TTC7B: variants seen among roughly 807,000 people sequenced by gnomAD.
TTC7B encodes tetratricopeptide repeat protein 7B.
Under a neutral mutation model 106.8 loss-of-function variants are expected in TTC7B, and 28 were observed. The ratio of observed to expected loss-of-function variants is 0.26; its 90% confidence interval spans 0.19 to 0.36. The LOEUF is 0.36. Ranked by LOEUF, TTC7B falls within the 10% of genes least tolerant of loss-of-function variation. The pLI is 1.00. For synonymous variants in TTC7B, 405 were observed against 430.6 expected, an observed-to-expected ratio of 0.94 and a Z score of 0.74; for missense variants, 862 against 1,076.4, an observed-to-expected ratio of 0.80 and a Z score of 2.79.
chr14:90,593,347 C>G (rs1353950812), intron 18 of TTC7B, 139 bp downstream of exon 18: 1 of 1,264,158 alleles, frequency 7.9e-7, no homozygotes, highest in African/African-American at 1.5e-5. Flanking sequence ...TGGTGCATGG[C>G]CGTGAAGCTT....
chr14:90,767,033 AAAAAAAAAAAAAG>A (rs1890708991), intron 3 of TTC7B: 1 of 805,854 alleles, frequency 1.2e-6, no homozygotes, highest in South Asian at 1.8e-5. Context: ...TATACCAAAA[AAAAAAAAAAAAAG>A]AAAGAAAGGA....
In TTC7B at chr14:90,606,334, G is replaced by T. The variant is rs532713125; in HGVS notation, c.1966+4408C>A. Reference sequence around the variant, plus strand: ...GGTATGGCTGCCTTCATGTCTTACAGCTGGAGAAACACATGGCAACGGGGA... The same window carrying T: ...GGTATGGCTGCCTTCATGTCTTACATCTGGAGAAACACATGGCAACGGGGA... On this transcript the variant is annotated intron_variant, in intron 17 of 19. Transcript: ENST00000328459. Among the ~76,000 whole-genome samples the T allele has an allele frequency of 2.0e-5, 3 of 152,244 alleles. No homozygotes were observed. In the South Asian group the frequency reaches 6.2e-4, roughly 32 times the overall value.
chr14:90,690,226 G>A (rs576630378), intron 6 of TTC7B, among the ~76,000 whole-genome samples: 8 of 152,232 alleles, frequency 5.3e-5, no homozygotes, highest in Non-Finnish European at 8.8e-5. Flanking sequence ...TCCCACCCCC[G>A]AGGACTCAGC....
chr14:90,780,452 AAAAGAAAG>A (rs1265265875), intron 3 of TTC7B, among the ~76,000 whole-genome samples: 1 of 117,644 alleles, frequency 8.5e-6, no homozygotes, highest in Admixed American at 7.8e-5. Context: ...AGAAGGAAAG[AAAAGAAAG>A]AAAGAAAGAA....
At chr14:90,812,744 C>A (rs1193511059) in intron 1 of TTC7B, among the ~76,000 whole-genome samples, 1 of 152,058 alleles carries the variant, frequency 6.6e-6, no homozygotes, top group African/African-American at 2.4e-5. Flanking sequence ...ATGGTGACTA[C>A]GGTAGGGTAC....
Position 90,530,093 on chromosome 14 carries a change from C to T in TTC7B, c.*11275G>A, listed in dbSNP as rs1889247447. The T allele has an allele frequency of 6.6e-6, 1 of 152,158 alleles. No individual in the cohort carries two copies. The highest frequency in any genetic ancestry group is 2.4e-5 in the African/African-American group (1 of 41,396). The allele number at this position is 152,158 out of a possible 1,614,324, so 9.4% of individuals were successfully genotyped here. On this transcript the variant is annotated 3_prime_UTR_variant, in exon 20 of 20. Coordinates refer to ENST00000328459, the MANE Select transcript of TTC7B (RefSeq NM_001010854.2). Reference sequence around the variant, plus strand: ...ACCATCCTGGCCAACACGGCGAAACCCCGTCTCTACTAAAAATGCAAAAAA... The same window carrying T: ...ACCATCCTGGCCAACACGGCGAAACTCCGTCTCTACTAAAAATGCAAAAAA...
At chr14:90,711,692 G>A (rs1888454640) in intron 5 of TTC7B, among the ~76,000 whole-genome samples, 1 of 152,198 alleles carries the variant, frequency 6.6e-6, no homozygotes, top group Admixed American at 6.5e-5. Context: ...AAAGTGCTGG[G>A]ATTACAGGCG....
rs1245413497 is a variant in TTC7B at position 90,759,363 on chromosome 14, G to T, written c.446-14441C>A. ...CAAGGGATGGGTGGTGACGGAACAAGCACCGTACTAGGAGTTTTAAAATAT... is the reference window on the plus strand; with the variant it reads ...CAAGGGATGGGTGGTGACGGAACAATCACCGTACTAGGAGTTTTAAAATAT... On this transcript the variant is annotated intron_variant, in intron 3 of 19. Transcript: ENST00000328459. This position sits in a 1 kb window ranked among gnomAD's most constrained non-coding sequence, Gnocchi z 4.1. Among the ~76,000 whole-genome samples, 1 of 152,204 alleles carries T rather than the reference G, an allele frequency of 6.6e-6. No homozygotes were observed. The highest frequency in any genetic ancestry group is 1.5e-5 in the Non-Finnish European group (1 of 68,036).
intron 18 of TTC7B, among the ~76,000 whole-genome samples, chr14:90,588,304 C>T (rs570926770): frequency 2.6e-5 from 4 of 152,226 alleles, no homozygotes; most frequent in Admixed American, 6.5e-5. Flanking sequence ...ATCAGAAAAT[C>T]TGATCTTGCA....
intron 19 of TTC7B, among the ~76,000 whole-genome samples, chr14:90,550,184 C>A (rs950273741): frequency 2.0e-5 from 3 of 152,150 alleles, no homozygotes; most frequent in Non-Finnish European, 4.4e-5. Context: ...TCCCATTCCA[C>A]AGGTTGCAAC....
chr14:90,728,237 C>A (rs1469363462), intron 5 of TTC7B, among the ~76,000 whole-genome samples: 1 of 150,350 alleles, frequency 6.7e-6, no homozygotes, highest in Non-Finnish European at 1.5e-5. Context: ...GTGGCTCATG[C>A]CGGTAATCCT....
In TTC7B at chr14:90,578,676, A is replaced by T. The variant is rs1891363770; in HGVS notation, c.2108-368T>A. ...ACCCTTGGCTCTGACCCCCATAGAA[A>T]AAGGGCCAGAATGAACAAGGGCACA... On this transcript the variant is annotated intron_variant, in intron 18 of 19. Transcript: ENST00000328459. The surrounding 1 kb of genome is among the most constrained non-coding windows in gnomAD (Gnocchi z 4.7). 6.6e-6 allele frequency among the ~76,000 whole-genome samples: 1 copy of T among 151,862 alleles called. No individual in the cohort carries two copies. Among genetic ancestry groups the T allele is most frequent in the Non-Finnish European group, 1.5e-5 (1 of 67,994 alleles).
intron 1 of TTC7B, among the ~76,000 whole-genome samples, chr14:90,797,123 G>A (rs112745098): frequency 0.043 from 6,358 of 148,306 alleles, 218 homozygotes; most frequent in Non-Finnish European, 0.058. Context: ...GGGATTACAG[G>A]CACAAGCCAA....
At chr14:90,748,355 G>A (rs1890032611) in intron 3 of TTC7B, among the ~76,000 whole-genome samples, 2 of 152,128 alleles carry the variant, frequency 1.3e-5, no homozygotes, top group African/African-American at 4.8e-5. Context: ...TTGGGACAGA[G>A]TCTCACTCTG....
rs184014578 is a variant in TTC7B at position 90,550,216 on chromosome 14, G to A, written c.2311-8627C>T. Among the ~76,000 whole-genome samples the A allele has an allele frequency of 2.5e-4, 38 of 152,302 alleles. No individual in the cohort carries two copies. In the East Asian group the frequency reaches 6.9e-3, roughly 28 times the overall value. On this transcript the variant is annotated intron_variant, in intron 19 of 19. Transcript: ENST00000328459. ...CAACTGCAGCTTTGACGGGACAAGAGACCACCAACCACAGGCTGGTTCTGA... is the reference window on the plus strand; with the variant it reads ...CAACTGCAGCTTTGACGGGACAAGAAACCACCAACCACAGGCTGGTTCTGA...
Position 90,534,519 on chromosome 14 carries a change from C to T in TTC7B, c.*6849G>A, listed in dbSNP as rs1316689107. On this transcript the variant is annotated 3_prime_UTR_variant, in exon 20 of 20. Coordinates refer to ENST00000328459, the MANE Select transcript of TTC7B (RefSeq NM_001010854.2). The stretch of plus-strand genomic sequence containing the variant: ...GCCACCTGGTACAGTGCCCAAGACA[C>T]AGTTTACAGAACTTCAATATGAGTG... 6.6e-6 allele frequency: 1 copy of T among 152,400 alleles called. No homozygotes were observed. Among genetic ancestry groups the T allele is most frequent in the Non-Finnish European group, 1.5e-5 (1 of 68,168 alleles). The allele number at this position is 152,400 out of a possible 1,614,324, so 9.4% of individuals were successfully genotyped here.
intron 3 of TTC7B, among the ~76,000 whole-genome samples, chr14:90,753,039 G>A (rs913440122): frequency 1.3e-5 from 2 of 152,214 alleles, no homozygotes; most frequent in Non-Finnish European, 2.9e-5. Flanking sequence ...ATACTGCCTT[G>A]AGCTGTACAA....
At chr14:90,709,487 G>A (rs1380347159) in intron 5 of TTC7B, among the ~76,000 whole-genome samples, 1 of 139,210 alleles carries the variant, frequency 7.2e-6, no homozygotes, top group African/African-American at 2.7e-5. Context: ...ATTGAACAAT[G>A]AGAACACATG....
At chr14:90,617,640 C>T (rs1033612999) in intron 16 of TTC7B, among the ~76,000 whole-genome samples, 2 of 152,046 alleles carry the variant, frequency 1.3e-5, no homozygotes, top group African/African-American at 4.8e-5. Flanking sequence ...GTTAGGTAAA[C>T]GGGTGTTAGA....
Sources: gnomAD v4.1 joint callset for allele counts (sites outside exome capture counted in the v4.1 genomes callset) on GRCh38, gnomAD v4.1.1 for gene constraint, Gnocchi (gnomAD v3.1) non-coding constraint, MANE v1.5 for transcripts, NCBI Gene and HGNC (gene_info 2026-07-23, HGNC 2026-07-21) for gene names.